Variants in CNTN4 observed in about 807,000 individuals in gnomAD.
CNTN4 encodes contactin-4.
CNTN4 carries 77 observed loss-of-function variants against 122.5 expected under a neutral mutation model. The observed-to-expected ratio is 0.63, with a 90% confidence interval of 0.52 to 0.76. CNTN4 has a LOEUF of 0.76. Among genes scored for constraint, CNTN4 ranks in the 30% least tolerant of loss-of-function variants. The pLI, the probability that CNTN4 is intolerant of heterozygous loss-of-function variation, is 0.00. For missense variants in CNTN4, 1,256 were observed against 1,259.1 expected (o/e 1.00, Z 0.04); for synonymous variants, 512 against 447.0 (o/e 1.15, Z -1.83).
chr3:3,006,659 C>T (rs1460031333), intron 14 of CNTN4, among the ~76,000 whole-genome samples: 2 of 152,132 alleles, frequency 1.3e-5, no homozygotes, highest in Non-Finnish European at 2.9e-5. Flanking sequence ...AAGCAGCAGA[C>T]CAAGGAAAAA....
intron 3 of CNTN4, among the ~76,000 whole-genome samples, chr3:2,412,517 T>C (rs1048097842): frequency 6.6e-6 from 1 of 152,116 alleles, no homozygotes; most frequent in Non-Finnish European, 1.5e-5. Context: ...CCTCCCAAAG[T>C]GCTGGGATTA....
intron 3 of CNTN4, among the ~76,000 whole-genome samples, chr3:2,455,557 C>A (rs1575669062): frequency 1.3e-5 from 2 of 152,162 alleles, no homozygotes; most frequent in African/African-American, 4.8e-5. Flanking sequence ...TCCGTTTTAA[C>A]TGCCCTGGTA....
Position 2,899,813 on chromosome 3 carries a change from G to C in CNTN4, c.941-872G>C, listed in dbSNP as rs75077928. ...ATCAGAACTCATTTAAAGATTTGGG[G>C]TTCTAGGGTCATATTCCTGTAGATA... On this transcript the variant is annotated intron_variant, in intron 10 of 24. Transcript: ENST00000418658. 5.5e-3 allele frequency among the ~76,000 whole-genome samples: 834 copies of C among 152,140 alleles called. 32 individuals are homozygous for C. Among genetic ancestry groups the C allele is most frequent in the Admixed American group, 0.049 (745 of 15,268 alleles).
At chr3:2,951,575 T>C (rs1423032279) in intron 13 of CNTN4, among the ~76,000 whole-genome samples, 2 of 152,210 alleles carry the variant, frequency 1.3e-5, no homozygotes, top group Non-Finnish European at 2.9e-5. Context: ...TCGTGCATAA[T>C]TCGTCTAAAC....
chr3:2,740,611 A>G (rs1235621294), intron 5 of CNTN4, among the ~76,000 whole-genome samples: 1 of 152,182 alleles, frequency 6.6e-6, no homozygotes, highest in Non-Finnish European at 1.5e-5. Context: ...TTTATAACTT[A>G]CATACATCTT....
chr3:2,812,342 A>G (rs994439269), intron 6 of CNTN4, among the ~76,000 whole-genome samples: 1 of 152,242 alleles, frequency 6.6e-6, no homozygotes, highest in Non-Finnish European at 1.5e-5. Flanking sequence ...TAACACAAGC[A>G]TTCTCAGACC....
chr3:2,557,572 A>C (rs2078770925), intron 3 of CNTN4, among the ~76,000 whole-genome samples: 1 of 152,094 alleles, frequency 6.6e-6, no homozygotes, highest in African/African-American at 2.4e-5. Context: ...CTAAAAATAC[A>C]AAACAAATTA....
In CNTN4 at chr3:3,043,673, T is replaced by G; in HGVS notation, c.2780T>G (p.Leu927Arg). The G allele has an allele frequency of 1.2e-6, 2 of 1,613,690 alleles. No individual in the cohort carries two copies. Among genetic ancestry groups the G allele is most frequent in the Admixed American group, 3.3e-5 (2 of 60,022 alleles). ...CTGAATTGGGATCAAGTGAAGGCCC[T>G]GGATAATGAGTCGGAAGTAAAAGGA... ...IILNWDQVKA[L>R]DNESEVKGYK... The change falls in exon 23 of 25, where the codon CTG becomes CGG. Residue 927 changes from leucine (L) to arginine (R), a missense_variant. By Grantham distance (102) the Leu-to-Arg change is moderately radical. Coordinates refer to ENST00000418658, the MANE Select transcript of CNTN4 (RefSeq NM_175607.3).
chr3:2,907,543 A>G, intron 12 of CNTN4, among the ~76,000 whole-genome samples: 1 of 150,496 alleles, frequency 6.6e-6, no homozygotes, highest in Admixed American at 6.7e-5. Context: ...ACTGCACTCC[A>G]GCCTGGGTGA....
At chr3:2,999,883 C>T (rs903671162) in intron 14 of CNTN4, among the ~76,000 whole-genome samples, 2 of 152,174 alleles carry the variant, frequency 1.3e-5, no homozygotes, top group Admixed American at 6.5e-5. Context: ...TTTCCTCAAA[C>T]TTTTCCTATT....
chr3:2,212,004 T>TG (rs1444497301), intron 2 of CNTN4, among the ~76,000 whole-genome samples: 1 of 152,186 alleles, frequency 6.6e-6, no homozygotes, highest in East Asian at 1.9e-4. Flanking sequence ...GATGGGGTCT[T>TG]GCTCTATTGC....
At chr3:2,838,913 A>G (rs2093291302) in intron 7 of CNTN4, among the ~76,000 whole-genome samples, 1 of 152,198 alleles carries the variant, frequency 6.6e-6, no homozygotes, top group African/African-American at 2.4e-5. Flanking sequence ...CATCAGAGAG[A>G]CAGCCAGAGA....
At chr3:2,533,937 GC>G (rs2077697651) in intron 3 of CNTN4, among the ~76,000 whole-genome samples, 1 of 149,730 alleles carries the variant, frequency 6.7e-6, no homozygotes, top group Non-Finnish European at 1.5e-5. Context: ...CATATCCTTT[GC>G]CCACTTTTTG....
intron 3 of CNTN4, among the ~76,000 whole-genome samples, chr3:2,562,044 C>T (rs1014495148): frequency 6.6e-5 from 10 of 151,922 alleles, no homozygotes; most frequent in African/African-American, 1.5e-4. Flanking sequence ...TGTAATAACA[C>T]GGGAATGACA....
intron 6 of CNTN4, among the ~76,000 whole-genome samples, chr3:2,758,517 C>CTTTTTTTTTT (rs34531341): frequency 4.6e-4 from 57 of 124,248 alleles, no homozygotes; most frequent in Admixed American, 8.4e-4. Flanking sequence ...CAACACCATA[C>CTTTTTTTTTT]TTTTTTTTTT....
chr3:2,942,566 C>T (rs779105108), intron 13 of CNTN4, among the ~76,000 whole-genome samples: 24 of 152,080 alleles, frequency 1.6e-4, no homozygotes, highest in Non-Finnish European at 3.1e-4. Context: ...TGGAGGACAC[C>T]TTAGTAAATT....
At chr3:2,177,308 G>A (rs896301725) in intron 2 of CNTN4, among the ~76,000 whole-genome samples, 2 of 152,008 alleles carry the variant, frequency 1.3e-5, no homozygotes, top group African/African-American at 2.4e-5. Flanking sequence ...ATTGATTTGG[G>A]AAGGTTAGCG....
At chr3:2,515,528 T>C (rs1295318498) in intron 3 of CNTN4, among the ~76,000 whole-genome samples, 1 of 152,084 alleles carries the variant, frequency 6.6e-6, no homozygotes, top group African/African-American at 2.4e-5. Context: ...TATTAACAAA[T>C]AGATACCCGT....
At chr3:3,020,313 C>G (rs1698172811) in intron 14 of CNTN4, among the ~76,000 whole-genome samples, 2 of 152,128 alleles carry the variant, frequency 1.3e-5, no homozygotes, top group African/African-American at 4.8e-5. Context: ...GTCCGTGACT[C>G]CCAGAAAGCT....
Sources: allele counts gnomAD v4.1 joint callset (sites outside exome capture counted in the v4.1 genomes callset), GRCh38; gene constraint gnomAD v4.1.1; transcripts MANE v1.5; gene names NCBI Gene and HGNC (gene_info 2026-07-23, HGNC 2026-07-21).